The following QTMAN variants were observed in gnomAD, a reference collection of about 807,000 sequenced individuals.
The protein encoded by QTMAN is queuosine-tRNA mannosyltransferase, also known as tRNA-queuosine alpha-mannosyltransferase.
At chr2:144,147,722 C>CA in the QTMAN span, among the ~76,000 whole-genome samples, 7 of 151,652 alleles carry the variant, frequency 4.6e-5, no homozygotes, top group Non-Finnish European at 1.0e-4. Context: ...TTATTAATTA[C>CA]AAAAAATATA....
chr2:144,126,285 T>TAA, the QTMAN span, among the ~76,000 whole-genome samples: 201 of 144,704 alleles, frequency 1.4e-3, 2 homozygotes, highest in African/African-American at 4.8e-3. Context: ...CTTGTGAACT[T>TAA]AAAAAAAAAA....
At chr2:144,082,191 C>T in the QTMAN span, among the ~76,000 whole-genome samples, 1 of 152,140 alleles carries the variant, frequency 6.6e-6, no homozygotes, top group Admixed American at 6.5e-5. Flanking sequence ...GTCACTCACT[C>T]AGCCAAAGAT....
At chr2:144,065,962 G>A in the QTMAN span, among the ~76,000 whole-genome samples, 1 of 152,096 alleles carries the variant, frequency 6.6e-6, no homozygotes, top group South Asian at 2.1e-4. Flanking sequence ...TGAGAGCAGG[G>A]TGTTGAGAAG....
At chr2:144,091,472 G>A in the QTMAN span, among the ~76,000 whole-genome samples, 1 of 152,084 alleles carries the variant, frequency 6.6e-6, no homozygotes, top group Non-Finnish European at 1.5e-5. Flanking sequence ...TAAAGACAAG[G>A]CAAAGAATAG....
At chr2:144,164,310 C>G in the QTMAN span, among the ~76,000 whole-genome samples, 3 of 151,906 alleles carry the variant, frequency 2.0e-5, no homozygotes, top group African/African-American at 7.3e-5. Context: ...GAGTACTCCT[C>G]TTATAGGGTG....
At chr2:144,045,462 T>C in the QTMAN span, among the ~76,000 whole-genome samples, 1 of 152,222 alleles carries the variant, frequency 6.6e-6, no homozygotes, top group African/African-American at 2.4e-5. Context: ...GTAGTCCATT[T>C]AAGTTCATGT....
At chr2:144,256,874 TA>T in the QTMAN span, among the ~76,000 whole-genome samples, 42 of 146,708 alleles carry the variant, frequency 2.9e-4, no homozygotes, top group Admixed American at 5.4e-4. Flanking sequence ...AACTTAAAGT[TA>T]AAAAAAAAAA....
the QTMAN span, among the ~76,000 whole-genome samples, chr2:144,078,745 C>T: frequency 6.6e-6 from 1 of 152,072 alleles, no homozygotes; most frequent in African/African-American, 2.4e-5. Flanking sequence ...ATGAATACTT[C>T]CTTTGGCATC....
chr2:144,308,775 T>C, the QTMAN span, among the ~76,000 whole-genome samples: 1 of 151,840 alleles, frequency 6.6e-6, no homozygotes, highest in Admixed American at 6.6e-5. Flanking sequence ...AACAATTTCT[T>C]AGATATTACC....
chr2:143,962,947 ATTG>A, the QTMAN span, among the ~76,000 whole-genome samples: 4 of 152,058 alleles, frequency 2.6e-5, no homozygotes, highest in Non-Finnish European at 5.9e-5. Context: ...CTTTACTTTT[ATTG>A]TTTTGTTCAA....
At chr2:144,016,439 G>A in the QTMAN span, among the ~76,000 whole-genome samples, 3 of 152,100 alleles carry the variant, frequency 2.0e-5, no homozygotes. Flanking sequence ...TTCCCAATAT[G>A]GATCAGAAGT....
chr2:144,202,249 G>T, the QTMAN span, among the ~76,000 whole-genome samples: 1 of 152,310 alleles, frequency 6.6e-6, no homozygotes, highest in Admixed American at 6.5e-5. Context: ...AAGGGCAACA[G>T]AGTATCTGCA....
the QTMAN span, chr2:144,145,849 T>A: frequency 1.8e-5 from 14 of 756,866 alleles, no homozygotes; most frequent in East Asian, 3.6e-4. Context: ...ACATCCCCTA[T>A]AGGGACACAT....
chr2:144,031,944 G>A, the QTMAN span, among the ~76,000 whole-genome samples: 8 of 152,002 alleles, frequency 5.3e-5, no homozygotes, highest in East Asian at 3.9e-4. Flanking sequence ...CATTAGCGCC[G>A]GCTACTTTTT....
the QTMAN span, among the ~76,000 whole-genome samples, chr2:144,289,168 G>C: frequency 6.6e-6 from 1 of 151,850 alleles, no homozygotes; most frequent in Non-Finnish European, 1.5e-5. Context: ...TGAGTACCTG[G>C]GACTCCAGGC....
chr2:144,259,502 G>A, the QTMAN span, among the ~76,000 whole-genome samples: 1 of 152,060 alleles, frequency 6.6e-6, no homozygotes, highest in East Asian at 1.9e-4. Flanking sequence ...TTACTTCCAT[G>A]GCAAAAACCG....
At chr2:144,208,959 A>G in the QTMAN span, among the ~76,000 whole-genome samples, 1 of 152,250 alleles carries the variant, frequency 6.6e-6, no homozygotes, top group East Asian at 1.9e-4. Flanking sequence ...AAATAAGTAT[A>G]TAACACTTAA....
chr2:144,058,133 A>AACAC, the QTMAN span, among the ~76,000 whole-genome samples: 2,296 of 97,196 alleles, frequency 0.024, 49 homozygotes, highest in Middle Eastern at 0.058. Context: ...CACCCCGCTA[A>AACAC]ACACACACAC....
At chr2:144,059,277 C>T in the QTMAN span, among the ~76,000 whole-genome samples, 2 of 152,174 alleles carry the variant, frequency 1.3e-5, no homozygotes, top group Non-Finnish European at 2.9e-5. Flanking sequence ...TCCATACAGT[C>T]AACTCCTACA....
Sources: allele counts gnomAD v4.1 joint callset (sites outside exome capture counted in the v4.1 genomes callset), GRCh38; gene constraint gnomAD v4.1.1; transcripts MANE v1.5; gene names NCBI Gene and HGNC (gene_info 2026-07-23, HGNC 2026-07-21).